Variants in PIGL observed in about 807,000 individuals in gnomAD.
The protein encoded by PIGL is N-acetylglucosaminyl-phosphatidylinositol de-N-acetylase.
PIGL carries 22 observed loss-of-function variants against 31.1 expected under a neutral mutation model. That is an observed-to-expected ratio of 0.71 (90% CI 0.51 to 1.01). PIGL has a LOEUF of 1.01. Ranked by LOEUF, PIGL falls within the 50% of genes least tolerant of loss-of-function variation. The pLI is 0.00. For synonymous variants in PIGL, 131 were observed against 117.4 expected, an observed-to-expected ratio of 1.12 and a Z score of -0.75; for missense variants, 302 against 315.9, an observed-to-expected ratio of 0.96 and a Z score of 0.33.
chr17:16,246,622 T>G (rs1270125207), intron 2 of PIGL, among the ~76,000 whole-genome samples: 2 of 149,008 alleles, frequency 1.3e-5, no homozygotes, highest in African/African-American at 4.9e-5. Context: ...GCTTAAACAA[T>G]AGAAATTTAT....
intron 2 of PIGL, among the ~76,000 whole-genome samples, chr17:16,246,672 CTTTTTTTTTTTTTT>C (rs1197171634): frequency 1.6e-5 from 1 of 64,164 alleles, no homozygotes; most frequent in Admixed American, 2.1e-4. Context: ...AGATCAAGGT[CTTTTTTTTTTTTTT>C]TTTTTTTTTT....
At chr17:16,288,979 GT>G (rs1462947249) in intron 2 of PIGL, among the ~76,000 whole-genome samples, 12 of 152,260 alleles carry the variant, frequency 7.9e-5, no homozygotes, top group Admixed American at 7.9e-4. Context: ...GATTTGAGAT[GT>G]AAAGTGATGG....
intron 3 of PIGL, 56 bp from the exon 4 acceptor site, chr17:16,313,491 A>G: frequency 8.0e-7 from 1 of 1,242,280 alleles, no homozygotes; most frequent in South Asian, 1.2e-5. Flanking sequence ...AGACAGCTCC[A>G]TTGAAGTTGA....
chr17:16,316,313 T>C (rs749266334), intron 4 of PIGL, among the ~76,000 whole-genome samples: 18 of 152,204 alleles, frequency 1.2e-4, no homozygotes, highest in Non-Finnish European at 2.1e-4. Flanking sequence ...AGGGAAGAGC[T>C]ATCAGTTAGC....
intron 1 of PIGL, among the ~76,000 whole-genome samples, chr17:16,219,518 C>G (rs1477920556): frequency 2.6e-5 from 4 of 152,118 alleles, no homozygotes; most frequent in Admixed American, 2.6e-4. Flanking sequence ...CAAATAGTTA[C>G]AAGTAATGCC....
chr17:16,277,118 G>A (rs1245954846), intron 2 of PIGL, among the ~76,000 whole-genome samples: 3 of 152,110 alleles, frequency 2.0e-5, no homozygotes, highest in Non-Finnish European at 4.4e-5. Context: ...ACTTACCACA[G>A]GTCAAGAACC....
At chr17:16,311,411 TGCAAAAA>T (rs1418473375) in intron 3 of PIGL, among the ~76,000 whole-genome samples, 1 of 142,242 alleles carries the variant, frequency 7.0e-6, no homozygotes, top group East Asian at 2.1e-4. Context: ...TTATATAACT[TGCAAAAA>T]GCCACAAACC....
chr17:16,228,809 C>CCCT (rs1331026762), intron 1 of PIGL, among the ~76,000 whole-genome samples: 1 of 152,172 alleles, frequency 6.6e-6, no homozygotes, highest in African/African-American at 2.4e-5. Flanking sequence ...ATTCCTTTTC[C>CCCT]CCTCCTCTCC....
At chr17:16,303,775 C>T (rs1248761147) in intron 3 of PIGL, among the ~76,000 whole-genome samples, 2 of 151,468 alleles carry the variant, frequency 1.3e-5, no homozygotes, top group African/African-American at 4.9e-5. Context: ...AGTGCAGTGG[C>T]GTGATCTCAG....
intron 2 of PIGL, among the ~76,000 whole-genome samples, chr17:16,294,120 T>A (rs2092971751): frequency 6.6e-6 from 1 of 152,176 alleles, no homozygotes; most frequent in African/African-American, 2.4e-5. Flanking sequence ...GTGGGTGAGA[T>A]CAATCATTTG....
At chr17:16,246,672 C>CTTT (rs1197171634) in intron 2 of PIGL, among the ~76,000 whole-genome samples, 90 of 64,174 alleles carry the variant, frequency 1.4e-3, no homozygotes, top group African/African-American at 1.8e-3. Flanking sequence ...AGATCAAGGT[C>CTTT]TTTTTTTTTT....
chr17:16,217,501 G>T (rs751911283), intron 1 of PIGL, 40 bp downstream of exon 1: 2 of 1,513,254 alleles, frequency 1.3e-6, no homozygotes, highest in Non-Finnish European at 1.8e-6. Flanking sequence ...CCGGGGCTTT[G>T]AAAGGGATTT....
chr17:16,258,669 A>G (rs1453153111), intron 2 of PIGL, among the ~76,000 whole-genome samples: 2 of 151,160 alleles, frequency 1.3e-5, no homozygotes, highest in African/African-American at 2.4e-5. Context: ...ATGCCCAGCT[A>G]ATTTTATTTT....
chr17:16,231,766 A>C (rs948457858), intron 1 of PIGL, among the ~76,000 whole-genome samples: 5 of 152,194 alleles, frequency 3.3e-5, no homozygotes, highest in African/African-American at 1.2e-4. Context: ...CTTATACACA[A>C]ACACACACAT....
chr17:16,217,637 G>A (rs962312288), intron 1 of PIGL, 176 bp downstream of exon 1: 9 of 529,836 alleles, frequency 1.7e-5, no homozygotes, highest in South Asian at 6.0e-5. Flanking sequence ...TTACCTGGTG[G>A]GTTGGGGGAC....
At chr17:16,234,386 G>A (rs2092691325) in intron 2 of PIGL, among the ~76,000 whole-genome samples, 1 of 152,168 alleles carries the variant, frequency 6.6e-6, no homozygotes, top group African/African-American at 2.4e-5. Context: ...GTTGGAGGTT[G>A]CAGTGAGCTG....
At chr17:16,310,286 AGTGTGTGTGTGTGTGTGTGTGT>A (rs10522327) in intron 3 of PIGL, among the ~76,000 whole-genome samples, 1 of 146,270 alleles carries the variant, frequency 6.8e-6, no homozygotes, top group Non-Finnish European at 1.5e-5. Context: ...ATTATTAAAA[AGTGTGTGTGTGTGTGTGTGTGT>A]GTGTGTGTGT....
intron 2 of PIGL, among the ~76,000 whole-genome samples, chr17:16,261,813 A>G (rs1286987811): frequency 6.6e-6 from 1 of 152,036 alleles, no homozygotes; most frequent in African/African-American, 2.4e-5. Flanking sequence ...CATGTTGCCC[A>G]GGCTGGTCTC....
intron 2 of PIGL, chr17:16,284,066 C>A (rs2092927481): frequency 6.6e-6 from 1 of 152,090 alleles, no homozygotes; most frequent in Admixed American, 6.6e-5. Flanking sequence ...ACCTCCGCTT[C>A]CCAGGTTCAA....
Sources: gnomAD v4.1 joint callset for allele counts (sites outside exome capture counted in the v4.1 genomes callset) on GRCh38, gnomAD v4.1.1 for gene constraint, MANE v1.5 for transcripts, NCBI Gene and HGNC (gene_info 2026-07-23, HGNC 2026-07-21) for gene names.